TAF1A: variants seen among roughly 807,000 people sequenced by gnomAD.
The protein encoded by TAF1A is TATA box-binding protein-associated factor RNA polymerase I subunit A.
TAF1A carries 42 observed loss-of-function variants against 61.6 expected under a neutral mutation model. The observed-to-expected ratio is 0.68, with a 90% CI of 0.53 to 0.88. The LOEUF is 0.88. Ranked by LOEUF, TAF1A falls within the 40% of genes least tolerant of loss-of-function variation. TAF1A has a pLI of 0.00. For synonymous variants in TAF1A, 179 were observed against 177.7 expected (o/e 1.01, Z -0.06); for missense variants, 424 against 518.7 (o/e 0.82, Z 1.77).
intron 7 of TAF1A, among the ~76,000 whole-genome samples, chr1:222,564,426 GC>G (rs1223653467): frequency 2.7e-5 from 4 of 150,420 alleles, no homozygotes; most frequent in Non-Finnish European, 5.9e-5. Context: ...TGTTTACCAC[GC>G]TCAACAACTA....
chr1:222,555,803 T>C (rs1381166583), downstream of TAF1A, among the ~76,000 whole-genome samples: 3 of 152,206 alleles, frequency 2.0e-5, no homozygotes, highest in Non-Finnish European at 4.4e-5. Flanking sequence ...TCAGAATGTA[T>C]ATCAAAACAT....
rs1659792917 is a variant in TAF1A, at chr1:222,558,604, T to A, written c.*56A>T. On this transcript the variant is annotated 3_prime_UTR_variant, in exon 11 of 11. Transcript: ENST00000352967. ...ACACTACATAAATACATTCAATAAC[T>A]ATCTACCAAGCTACTTACTGTGTAG... 2 of 884,956 alleles carry A rather than the reference T, an allele frequency of 2.3e-6. No individual in the cohort carries two copies. Among genetic ancestry groups the A allele is most frequent in the South Asian group, 5.7e-5 (2 of 34,968 alleles). The allele number at this position is 884,956 out of a possible 1,614,324, so 54.8% of individuals were successfully genotyped here. A position where few individuals can be genotyped will look rare whatever the true frequency, so the allele number is the denominator to read the frequency against.
chr1:222,571,541 A>G (rs1285816616), intron 5 of TAF1A, among the ~76,000 whole-genome samples: 1 of 152,100 alleles, frequency 6.6e-6, no homozygotes. Context: ...GTTGCAGAGT[A>G]CAAGATCAAT....
intron 6 of TAF1A, among the ~76,000 whole-genome samples, chr1:222,570,316 C>G (rs1000271475): frequency 6.6e-6 from 1 of 152,166 alleles, no homozygotes; most frequent in Non-Finnish European, 1.5e-5. Context: ...TTAACATTTA[C>G]AACTATACTG....
chr1:222,564,151 CT>C (rs768529510), intron 7 of TAF1A, 26 bp from the exon 8 acceptor site: 1 of 1,393,864 alleles, frequency 7.2e-7, no homozygotes, highest in Non-Finnish European at 1.0e-6. Context: ...GTCTTGTAAT[CT>C]TTACATACTT....
chr1:222,573,759 G>C (rs1034383204), intron 5 of TAF1A, among the ~76,000 whole-genome samples: 2 of 152,078 alleles, frequency 1.3e-5, no homozygotes. Flanking sequence ...ATATACCCAA[G>C]AGAAATAAAA....
chr1:222,568,179 T>C (rs929905589), intron 7 of TAF1A, among the ~76,000 whole-genome samples: 3 of 83,544 alleles, frequency 3.6e-5, no homozygotes, highest in Non-Finnish European at 6.7e-5. Flanking sequence ...ACAACACATC[T>C]AGAAAAAAAA....
chr1:222,565,464 AAT>A (rs1180857016), intron 7 of TAF1A, among the ~76,000 whole-genome samples: 2 of 152,244 alleles, frequency 1.3e-5, no homozygotes, highest in Non-Finnish European at 2.9e-5. Context: ...CTTGAATATA[AAT>A]ATGAGATAAG....
chr1:222,570,471 A>AT, intron 6 of TAF1A, 64 bp downstream of exon 6: 1 of 1,415,392 alleles, frequency 7.1e-7, no homozygotes, highest in East Asian at 2.3e-5. Context: ...AAGATTAGGC[A>AT]TGCAGTCTTT....
intron 2 of TAF1A, among the ~76,000 whole-genome samples, chr1:222,586,070 G>C (rs1452874073): frequency 2.0e-5 from 3 of 152,180 alleles, no homozygotes; most frequent in African/African-American, 7.2e-5. Context: ...CTAGACTAGT[G>C]TTCTCAGACT....
At chr1:222,561,579 A>G in intron 9 of TAF1A, 61 bp from the exon 10 acceptor site, 1 of 1,465,660 alleles carries the variant, frequency 6.8e-7, no homozygotes, top group Non-Finnish European at 9.1e-7. Flanking sequence ...TATTATCAGA[A>G]TTTAGACTTA....
At chr1:222,581,021 G>A (rs963951508) in intron 3 of TAF1A, among the ~76,000 whole-genome samples, 3 of 152,112 alleles carry the variant, frequency 2.0e-5, no homozygotes, top group African/African-American at 7.2e-5. Context: ...GCGTCGTGGC[G>A]GGAGGCGGAG....
rs553731593 is a variant in TAF1A at position 222,568,270 on chromosome 1, G to A, written c.894+1240C>T. On this transcript the variant is annotated intron_variant, in intron 7 of 10. Coordinates refer to ENST00000352967, the MANE Select transcript of TAF1A (RefSeq NM_005681.4). Reference sequence around the variant, plus strand: ...CACTAACCATAAAAGAAAAAAAAATGTACAAACTGAACATCAAAACTAGAA... The same window carrying A: ...CACTAACCATAAAAGAAAAAAAAATATACAAACTGAACATCAAAACTAGAA... 4.7e-5 allele frequency among the ~76,000 whole-genome samples: 7 copies of A among 149,894 alleles called. 1 individual carries two copies. The highest frequency in any genetic ancestry group is 4.2e-4 in the South Asian group (2 of 4,732).
rs931647052 is a variant in TAF1A at position 222,573,635 on chromosome 1, C to T, written c.605-2970G>A. Among the ~76,000 whole-genome samples, 8 of 152,152 alleles carry T rather than the reference C, an allele frequency of 5.3e-5. No individual in the cohort carries two copies. In the South Asian group the frequency reaches 6.2e-4, roughly 12 times the overall value. ...GTGAGGATGTGGAGAAATTTGTACC[C>T]TCATACACCGCTACTGGGGATGTAA... On this transcript the variant is annotated intron_variant, in intron 5 of 10. Transcript: ENST00000352967.
chr1:222,579,550 G>T (rs750656864), intron 4 of TAF1A, among the ~76,000 whole-genome samples: 1 of 152,082 alleles, frequency 6.6e-6, no homozygotes, highest in Non-Finnish European at 1.5e-5. Flanking sequence ...ACAAAGAAAA[G>T]GAATTTTTAG....
intron 10 of TAF1A, among the ~76,000 whole-genome samples, chr1:222,559,683 T>C (rs186056837): frequency 7.2e-5 from 11 of 152,228 alleles, no homozygotes; most frequent in Middle Eastern, 3.4e-3. Context: ...ATCTTTGTTT[T>C]GTTGTTTTTC....
In TAF1A at chr1:222,570,653, T is replaced by A. The variant is rs1470995007; in HGVS notation, c.617A>T (p.Tyr206Phe). Reference protein sequence around the residue: ...MELSKLDKDDYAYNAVAQDVF... With the variant: ...MELSKLDKDDFAYNAVAQDVF... ...ATCCTGGGCTACTGCATTGTAAGCA[T>A]AATCATCCTTATCTGCCCAAAGATA... Residue 206 changes from tyrosine to phenylalanine, a missense_variant, in exon 6 of 11, where the codon TAT becomes TTT. Transcript: ENST00000352967. The A allele has an allele frequency of 6.2e-7, 1 of 1,606,782 alleles. No homozygotes were observed. Among genetic ancestry groups the A allele is most frequent in the Non-Finnish European group, 8.5e-7 (1 of 1,175,146 alleles).
chr1:222,589,323 G>A (rs141618527), intron 1 of TAF1A, among the ~76,000 whole-genome samples: 2 of 152,224 alleles, frequency 1.3e-5, no homozygotes, highest in African/African-American at 4.8e-5. Flanking sequence ...CACTACTCTA[G>A]TTCAAGACCC....
rs181101978 is a variant in TAF1A, at chr1:222,585,596, G to A, written c.122-1299C>T. Among the ~76,000 whole-genome samples the A allele has an allele frequency of 2.0e-5, 3 of 152,184 alleles. No individual in the cohort carries two copies. The East Asian group carries it at 5.8e-4, about 29-fold the overall frequency. On this transcript the variant is annotated intron_variant, in intron 2 of 10. Transcript: ENST00000352967. ...CAAAGTGCTGGGATTATGAGCATGAGCCACCACACCTGGCCAACAACACGT... is the reference window on the plus strand; with the variant it reads ...CAAAGTGCTGGGATTATGAGCATGAACCACCACACCTGGCCAACAACACGT...
Sources: gnomAD v4.1 joint callset for allele counts (sites outside exome capture counted in the v4.1 genomes callset) on GRCh38, gnomAD v4.1.1 for gene constraint, MANE v1.5 for transcripts, NCBI Gene and HGNC (gene_info 2026-07-23, HGNC 2026-07-21) for gene names.